The following PCDHA2 variants were observed in gnomAD, a reference collection of about 807,000 sequenced individuals.
PCDHA2 encodes protocadherin alpha-2.
Under a neutral mutation model 66.0 loss-of-function variants are expected in PCDHA2, and 58 were observed. The ratio of observed to expected loss-of-function variants is 0.88; its 90% CI spans 0.71 to 1.09. The LOEUF is 1.09. PCDHA2 is among the 50% of genes least tolerant of loss of function. The pLI, the probability that PCDHA2 is intolerant of heterozygous loss-of-function variation, is 0.00. For missense variants in PCDHA2, 1,267 were observed against 1,242.3 expected (o/e 1.02, Z -0.30); for synonymous variants, 634 against 554.0 (o/e 1.14, Z -2.03).
At chr5:140,807,210 G>T in intron 1 of PCDHA2, 3 of 1,613,852 alleles carry the variant, frequency 1.9e-6, no homozygotes, top group Non-Finnish European at 2.5e-6. Flanking sequence ...TGGGGAAGCG[G>T]CCAGGAATCC....
intron 1 of PCDHA2, among the ~76,000 whole-genome samples, chr5:140,891,953 T>G (rs1056816293): frequency 6.6e-6 from 1 of 152,238 alleles, no homozygotes; most frequent in African/African-American, 2.4e-5. Flanking sequence ...GCTCCAGAAT[T>G]GTGAGAAGTA....
At chr5:140,954,831 C>CCT (rs2095096167) in intron 1 of PCDHA2, among the ~76,000 whole-genome samples, 1 of 152,116 alleles carries the variant, frequency 6.6e-6, no homozygotes, top group Admixed American at 6.5e-5. Flanking sequence ...GCACTTTTGT[C>CCT]ATGAAATCTT....
chr5:141,010,107 C>T lies in PCDHA2; in HGVS notation c.*170C>T, dbSNP rs1457376249. On this transcript the variant is annotated 3_prime_UTR_variant, in exon 4 of 4. Coordinates refer to ENST00000526136, the MANE Select transcript of PCDHA2 (RefSeq NM_018905.3). ...CTAGAACGCATTTAACAGGTTTTGT[C>T]GTAAAAGCTTTACTAAGTCTGGTGT... 8.1e-6 allele frequency: 13 copies of T among 1,611,484 alleles called. No individual in the cohort carries two copies. Among genetic ancestry groups the T allele is most frequent in the South Asian group, 4.4e-5 (4 of 90,776 alleles).
At chr5:140,801,693 T>A in intron 1 of PCDHA2, 1 of 1,614,212 alleles carries the variant, frequency 6.2e-7, no homozygotes, top group Non-Finnish European at 8.5e-7. Context: ...CGGAACAAAT[T>A]CGTTGTTGAC....
rs543206903 is a variant in PCDHA2, at chr5:140,803,726, T to A, written c.2388+6374T>A. 247 of 1,474,622 alleles carry A rather than the reference T, an allele frequency of 1.7e-4. 1 individual carries two copies. In the African/African-American group the frequency reaches 3.1e-3, roughly 19 times the overall value. 91.3% of individuals were successfully genotyped at this position (1,474,622 alleles called of 1,614,324 possible). A position where few individuals can be genotyped will look rare whatever the true frequency, so the allele number is the denominator to read the frequency against. ...ATTAGACTTTTCCAGTTTTGTGGTT[T>A]TGTGGTTAAAACGGTAAGATTTTTG... On this transcript the variant is annotated intron_variant, in intron 1 of 3. Transcript: ENST00000526136.
chr5:140,809,359 T>C, intron 1 of PCDHA2: 1 of 1,614,052 alleles, frequency 6.2e-7, no homozygotes, highest in South Asian at 1.1e-5. Flanking sequence ...TGCGGTGCTC[T>C]GCGCTGCCCA....
intron 1 of PCDHA2, chr5:140,821,610 A>G (rs1049117332): frequency 1.3e-6 from 1 of 779,694 alleles, no homozygotes; most frequent in African/African-American, 1.7e-5. Context: ...GAATACAGTG[A>G]GTAGATTTTC....
intron 1 of PCDHA2, chr5:140,817,050 C>G (rs1227533910): frequency 6.6e-6 from 1 of 152,190 alleles, no homozygotes; most frequent in Non-Finnish European, 1.5e-5. Context: ...GAGTTTCTCT[C>G]TGTGTGCTGT....
chr5:140,819,310 T>C (rs1766532133), intron 1 of PCDHA2, among the ~76,000 whole-genome samples: 1 of 152,190 alleles, frequency 6.6e-6, no homozygotes, highest in African/African-American at 2.4e-5. Flanking sequence ...AATTTTATTC[T>C]GGGTTTTGTA....
intron 1 of PCDHA2, chr5:140,829,802 G>A (rs1554132256): frequency 5.0e-6 from 8 of 1,613,872 alleles, no homozygotes; most frequent in Non-Finnish European, 5.9e-6. Flanking sequence ...GCCTCGGGTG[G>A]GTGGTACTGG....
chr5:140,966,945 A>G, intron 1 of PCDHA2: 1 of 1,603,804 alleles, frequency 6.2e-7, no homozygotes, highest in Non-Finnish European at 8.5e-7. Flanking sequence ...CTCGTGGGCA[A>G]CGTGGCTCGC....
At position 141,010,080 on chromosome 5, in the gene PCDHA2, G is replaced by C. The variant is rs2098415967; in HGVS notation, c.*143G>C. On this transcript the variant is annotated 3_prime_UTR_variant, in exon 4 of 4. Transcript: ENST00000526136. The stretch of plus-strand genomic sequence containing the variant: ...AATCTGCAGAAAGTTCCCTGTGTCT[G>C]TCTAGAACGCATTTAACAGGTTTTG... 1 of 1,611,462 alleles carries C rather than the reference G, an allele frequency of 6.2e-7. No homozygotes were observed. The highest frequency in any genetic ancestry group is 1.1e-5 in the South Asian group (1 of 90,590).
chr5:140,864,192 T>A (rs528891456), intron 1 of PCDHA2: 1 of 152,324 alleles, frequency 6.6e-6, no homozygotes, highest in Admixed American at 6.5e-5. Flanking sequence ...TAATGATCCT[T>A]ATGAGAAGGT....
At chr5:140,865,810 T>A (rs1350387651) in intron 1 of PCDHA2, 1 of 152,186 alleles carries the variant, frequency 6.6e-6, no homozygotes, top group Non-Finnish European at 1.5e-5. Flanking sequence ...CATTCTTTTA[T>A]CCACTATAAT....
chr5:140,850,139 C>G (rs2041373469), intron 1 of PCDHA2: 1 of 1,595,636 alleles, frequency 6.3e-7, no homozygotes, highest in African/African-American at 1.3e-5. Context: ...TGGGCAGCAA[C>G]GTGACGCTGC....
intron 1 of PCDHA2, among the ~76,000 whole-genome samples, chr5:140,948,880 C>G (rs1430288840): frequency 6.6e-6 from 1 of 151,410 alleles, no homozygotes; most frequent in Non-Finnish European, 1.5e-5. Flanking sequence ...TTACTTTGCT[C>G]TCTTTTAGAT....
At chr5:140,804,976 A>G in intron 1 of PCDHA2, 4 of 1,493,470 alleles carry the variant, frequency 2.7e-6, no homozygotes, top group Non-Finnish European at 3.6e-6. Context: ...TAGTGTGTCC[A>G]TCTCAGGTCA....
rs34281383 is a variant in PCDHA2 at position 140,802,259 on chromosome 5, A to G, written c.2388+4907A>G. 5.1e-3 allele frequency: 8,304 copies of G among 1,614,188 alleles called. 396 individuals carry two copies. The African/African-American group carries it at 0.096, about 19-fold the overall frequency. On this transcript the variant is annotated intron_variant, in intron 1 of 3. Coordinates refer to ENST00000526136, the MANE Select transcript of PCDHA2 (RefSeq NM_018905.3). Reference sequence around the variant, plus strand: ...ATGTACCTGAGTTAGTTATTCAATCACTATCTTTACCTGTATTAGAAGACT... The same window carrying G: ...ATGTACCTGAGTTAGTTATTCAATCGCTATCTTTACCTGTATTAGAAGACT...
At chr5:140,806,239 A>T (rs1311406571) in intron 1 of PCDHA2, among the ~76,000 whole-genome samples, 1 of 152,090 alleles carries the variant, frequency 6.6e-6, no homozygotes, top group Non-Finnish European at 1.5e-5. Context: ...CTTGTTTATT[A>T]AAAAAAGCTA....
Sources: allele counts gnomAD v4.1 joint callset (sites outside exome capture counted in the v4.1 genomes callset), GRCh38; gene constraint gnomAD v4.1.1; transcripts MANE v1.5; gene names NCBI Gene and HGNC (gene_info 2026-07-23, HGNC 2026-07-21).